ITPR2: variants seen among roughly 807,000 people sequenced by gnomAD.
ITPR2 encodes the protein inositol 1,4,5-trisphosphate-gated calcium channel ITPR2.
Under a neutral mutation model 317.1 loss-of-function variants are expected in ITPR2, and 207 were observed. The ratio of observed to expected loss-of-function variants is 0.65; its 90% CI spans 0.58 to 0.73. The LOEUF (loss-of-function observed/expected upper bound fraction) is 0.73, where lower values mean the gene tolerates loss of function less well. ITPR2 is among the 30% of genes least tolerant of loss of function. The pLI is 0.00. For synonymous variants in ITPR2, 1,156 were observed against 1,149.1 expected (o/e 1.01, Z -0.12); for missense variants, 2,613 against 3,284.0 (o/e 0.80, Z 4.99).
At chr12:26,645,165 C>T (rs1043409744) in intron 21 of ITPR2, among the ~76,000 whole-genome samples, 1 of 152,226 alleles carries the variant, frequency 6.6e-6, no homozygotes, top group Non-Finnish European at 1.5e-5. Flanking sequence ...AATCCTCTCC[C>T]AGAGTCTGCT....
intron 37 of ITPR2, among the ~76,000 whole-genome samples, chr12:26,541,159 AAAAAAAAAT>A (rs1420249294): frequency 6.6e-6 from 1 of 151,016 alleles, no homozygotes; most frequent in African/African-American, 2.4e-5. Flanking sequence ...AAAAAAAAAA[AAAAAAAAAT>A]TAGCTGGACA....
chr12:26,608,741 C>T (rs1488634469), intron 26 of ITPR2, among the ~76,000 whole-genome samples: 2 of 150,714 alleles, frequency 1.3e-5, no homozygotes, highest in African/African-American at 4.9e-5. Context: ...GATCTTTCTG[C>T]GCTCCCCAAG....
At chr12:26,403,781 C>G (rs957226838) in intron 52 of ITPR2, among the ~76,000 whole-genome samples, 1 of 152,124 alleles carries the variant, frequency 6.6e-6, no homozygotes, top group Non-Finnish European at 1.5e-5. Context: ...TGTACTAAGA[C>G]TTGAGTAGAA....
intron 13 of ITPR2, among the ~76,000 whole-genome samples, chr12:26,677,607 A>G (rs1176409127): frequency 6.6e-6 from 1 of 152,136 alleles, no homozygotes; most frequent in African/African-American, 2.4e-5. Context: ...CTCAAAAAAA[A>G]ATAAATAAAA....
intron 39 of ITPR2, among the ~76,000 whole-genome samples, chr12:26,489,142 T>A (rs1942740374): frequency 6.6e-6 from 1 of 152,228 alleles, no homozygotes; most frequent in Non-Finnish European, 1.5e-5. Flanking sequence ...TTCATATATA[T>A]TTATATAATC....
At chr12:26,624,633 C>A (rs1020743804) in intron 23 of ITPR2, among the ~76,000 whole-genome samples, 33 of 152,118 alleles carry the variant, frequency 2.2e-4, no homozygotes, top group Admixed American at 1.4e-3. Context: ...GAGATATCAT[C>A]TCACCCCAGT....
intron 55 of ITPR2, among the ~76,000 whole-genome samples, chr12:26,345,003 C>T (rs763344897): frequency 3.9e-5 from 6 of 152,126 alleles, no homozygotes; most frequent in African/African-American, 1.4e-4. Context: ...TTCTCTCCTA[C>T]CTTTCTGCTT....
chr12:26,421,877 C>A (rs1940905238), intron 49 of ITPR2, among the ~76,000 whole-genome samples: 2 of 152,028 alleles, frequency 1.3e-5, no homozygotes, highest in African/African-American at 4.8e-5. Context: ...ATGAGGTGAA[C>A]TGTGTGACAG....
intron 37 of ITPR2, among the ~76,000 whole-genome samples, chr12:26,514,959 T>C (rs948953700): frequency 1.3e-5 from 2 of 152,354 alleles, no homozygotes; most frequent in Admixed American, 6.5e-5. Context: ...ATAGTATCTA[T>C]GTATTTTCTC....
chr12:26,438,458 C>T (rs143275364), intron 47 of ITPR2, among the ~76,000 whole-genome samples: 8 of 152,100 alleles, frequency 5.3e-5, no homozygotes, highest in Non-Finnish European at 7.4e-5. Flanking sequence ...CATTGACTTT[C>T]GTGAAAAACT....
intron 10 of ITPR2, among the ~76,000 whole-genome samples, chr12:26,694,354 A>G (rs1190976742): frequency 1.3e-5 from 2 of 152,192 alleles, no homozygotes; most frequent in Non-Finnish European, 2.9e-5. Context: ...TCCTCCCTAT[A>G]GGTAAAATTT....
rs775977522 is a variant in ITPR2, at chr12:26,400,242, T to C, written c.7416A>G (p.Glu2472=). Residue 2472 remains glutamate, a synonymous_variant, in exon 53 of 57, where the codon GAA becomes GAG. Coordinates refer to ENST00000381340, the MANE Select transcript of ITPR2 (RefSeq NM_002223.4). ...PASNTADEEY[E]DGIERTCDTL... Reference sequence around the variant, plus strand: ...TGTCACACGTCCTTTCAATTCCATCTTCATACTCTTCATCAGCTATAAAAA... The same window carrying C: ...TGTCACACGTCCTTTCAATTCCATCCTCATACTCTTCATCAGCTATAAAAA... 1.9e-6 allele frequency: 3 copies of C among 1,569,926 alleles called. No homozygotes were observed. Among genetic ancestry groups the C allele is most frequent in the Admixed American group, 3.4e-5 (2 of 58,014 alleles).
In ITPR2 at chr12:26,621,201, T is replaced by C. The variant is rs1247668397; in HGVS notation, c.3384A>G (p.Leu1128=). 3.1e-6 allele frequency: 5 copies of C among 1,613,920 alleles called. No individual in the cohort carries two copies. The highest frequency in any genetic ancestry group is 1.1e-5 in the South Asian group (1 of 91,064). ...CATAGTTGCTGCTCTTCTCCACCCA[T>C]AGCTCAGACTTTTCTACTGTCAGTC... ...QLRLTVEKSE[L]WVEKSSNYEN... is the part of the protein sequence containing the mutation. The change falls in exon 26 of 57, where the codon CTA becomes CTG. Residue 1128 remains leucine, a synonymous_variant. Coordinates refer to ENST00000381340, the MANE Select transcript of ITPR2 (RefSeq NM_002223.4).
chr12:26,516,679 T>C (rs1318824030), intron 37 of ITPR2, among the ~76,000 whole-genome samples: 1 of 152,096 alleles, frequency 6.6e-6, no homozygotes, highest in Non-Finnish European at 1.5e-5. Flanking sequence ...GAATGCTGCA[T>C]AGCAAAAAGA....
At chr12:26,691,906 G>A (rs1948248155) in intron 10 of ITPR2, among the ~76,000 whole-genome samples, 1 of 151,900 alleles carries the variant, frequency 6.6e-6, no homozygotes, top group Non-Finnish European at 1.5e-5. Context: ...TTATGTAACC[G>A]CACACAACAC....
intron 45 of ITPR2, among the ~76,000 whole-genome samples, chr12:26,455,793 A>G (rs948995141): frequency 3.3e-5 from 5 of 152,232 alleles, no homozygotes; most frequent in African/African-American, 9.6e-5. Flanking sequence ...TATTGAACAT[A>G]AACATATAGG....
intron 44 of ITPR2, among the ~76,000 whole-genome samples, chr12:26,475,622 G>GTAT (rs1343158142): frequency 6.6e-6 from 1 of 152,058 alleles, no homozygotes; most frequent in Non-Finnish European, 1.5e-5. Context: ...GGAAATTTTT[G>GTAT]TTTGATATTT....
At chr12:26,716,104 G>T in intron 6 of ITPR2, 40 bp downstream of exon 6, 1 of 1,328,868 alleles carries the variant, frequency 7.5e-7, no homozygotes. Context: ...TGTCTCATGA[G>T]AAAAATGAAC....
intron 2 of ITPR2, among the ~76,000 whole-genome samples, chr12:26,782,025 TATATATATGTATAGAGAG>T (rs1317339023): frequency 1.3e-3 from 35 of 27,366 alleles, no homozygotes; most frequent in South Asian, 2.9e-3. Context: ...TATATATATA[TATATATATGTATAGAGAG>T]AGAGAGAGAG....
Sources: allele counts gnomAD v4.1 joint callset (sites outside exome capture counted in the v4.1 genomes callset), GRCh38; gene constraint gnomAD v4.1.1; transcripts MANE v1.5; gene names NCBI Gene and HGNC (gene_info 2026-07-23, HGNC 2026-07-21).